The following NT5C3A variants were observed in gnomAD, a reference collection of about 807,000 sequenced individuals.
NT5C3A encodes cytosolic 5'-nucleotidase 3A.
Under a neutral mutation model 40.0 loss-of-function variants are expected in NT5C3A, and 23 were observed. The observed-to-expected ratio is 0.58, with a 90% CI of 0.41 to 0.81. The LOEUF (loss-of-function observed/expected upper bound fraction) is 0.81, where lower values mean the gene tolerates loss of function less well. NT5C3A is among the 40% of genes least tolerant of loss of function. The probability of loss-of-function intolerance (pLI) is 0.00; values close to 1 mark genes in which losing one functional copy is unlikely to be tolerated. For synonymous variants in NT5C3A, 130 were observed against 141.4 expected, an observed-to-expected ratio of 0.92 and a Z score of 0.57; for missense variants, 328 against 403.0, an observed-to-expected ratio of 0.81 and a Z score of 1.59.
chr7:33,062,130 G>A (rs1350630287), intron 1 of NT5C3A, among the ~76,000 whole-genome samples: 1 of 152,138 alleles, frequency 6.6e-6, no homozygotes, highest in Non-Finnish European at 1.5e-5. Flanking sequence ...TCCTCTGCGG[G>A]AATTGCAACT....
rs1188680099 is a variant in NT5C3A at position 33,062,627 on chromosome 7, C to T, written c.79G>A (p.Ala27Thr). 1 of 1,605,860 alleles carries T rather than the reference C, an allele frequency of 6.2e-7. No individual in the cohort carries two copies. The highest frequency in any genetic ancestry group is 8.5e-7 in the Non-Finnish European group (1 of 1,177,058). Reference protein sequence around the residue: ...VCALVAGVVLAQYIFTLKRKT... With the variant: ...VCALVAGVVLTQYIFTLKRKT... ...CTCTTCAAGGTGAATATGTACTGAG[C>T]CAGCACCACCCCCGCCACCAGGGCG... The change falls in exon 1 of 9, where the codon GCT becomes ACT. Residue 27 changes from alanine (A) to threonine (T), a missense_variant. Coordinates refer to ENST00000610140, the MANE Select transcript of NT5C3A (RefSeq NM_001002010.5).
intron 6 of NT5C3A, 90 bp downstream of exon 6, chr7:33,019,545 A>G (rs1435122395): frequency 1.2e-6 from 1 of 810,916 alleles, no homozygotes; most frequent in Non-Finnish European, 2.2e-6. Context: ...GGAATATTCA[A>G]TCTTATTTTT....
At position 33,026,842 on chromosome 7, in the gene NT5C3A, A is replaced by T; in HGVS notation, c.212T>A (p.Ile71Asn). The T allele has an allele frequency of 6.2e-7, 1 of 1,611,888 alleles. No homozygotes were observed. Among genetic ancestry groups the T allele is most frequent in the Non-Finnish European group, 8.5e-7 (1 of 1,179,486 alleles). Residue 71 changes from isoleucine (I) to asparagine (N), a missense_variant, in exon 2 of 9, where the codon ATC (isoleucine) becomes AAC (asparagine). Around this residue, in one of 3 missense-constraint regions of NT5C3A, gnomAD observed 280 missense variants for 317.2 expected, o/e 0.88. Coordinates refer to ENST00000610140, the MANE Select transcript of NT5C3A (RefSeq NM_001002010.5). ...CTGAAGTTTGGCAGCTCCTCCTTTG[A>T]TAAGACCACAGATAATTTCTTCTAC... ...TRVEEIICGL[I>N]KGGAAKLQII...
rs1335557713 is a variant in NT5C3A, at chr7:33,017,449, A to C, written c.683T>G (p.Phe228Cys). Residue 228 changes from phenylalanine (F) to cysteine (C), a missense_variant, in exon 7 of 9, where the codon TTT becomes TGT. This residue lies in a region of NT5C3A where 280 missense variants were observed against 317.2 expected (regional missense o/e 0.88). Transcript: ENST00000610140. ...NVKVVSNFMDFDETGVLKGFK... is the reference protein window; with the variant it reads ...NVKVVSNFMDCDETGVLKGFK... ...ATTTGATATTCTTACAGTTTCATCAAAATCCATAAAATTGGACACAACTTT... is the reference window on the plus strand; with the variant it reads ...ATTTGATATTCTTACAGTTTCATCACAATCCATAAAATTGGACACAACTTT... 8 of 1,609,178 alleles carry C rather than the reference A, an allele frequency of 5.0e-6. No homozygotes were observed. The South Asian group carries it at 8.8e-5, about 18-fold the overall frequency.
At chr7:33,039,097 A>C (rs192240450) in intron 1 of NT5C3A, among the ~76,000 whole-genome samples, 162 of 152,302 alleles carry the variant, frequency 1.1e-3, no homozygotes, top group Admixed American at 2.4e-3. Context: ...CTAAAGACTG[A>C]AGCAAGAGGT....
intron 1 of NT5C3A, chr7:33,038,968 G>A (rs1483460666): frequency 2.3e-6 from 1 of 442,254 alleles, no homozygotes; most frequent in Non-Finnish European, 4.5e-6. Flanking sequence ...AGTCTTCAGA[G>A]TCTTTAAATG....
chr7:33,015,668 A>C lies in NT5C3A; in HGVS notation c.894+2T>G. The C allele has an allele frequency of 1.3e-6, 2 of 1,577,208 alleles. No homozygotes were observed. Among genetic ancestry groups the C allele is most frequent in the Non-Finnish European group, 1.7e-6 (2 of 1,148,140 alleles). On this transcript the variant is annotated splice_donor_variant, in intron 8 of 8. Transcript: ENST00000610140. LOFTEE classifies it high-confidence loss of function. The stretch of plus-strand genomic sequence containing the variant: ...AAAAAAATTACAGATTTGTATACTT[A>C]CTCTATCATTTAGATATCCAATTTT...
chr7:33,023,506 G>A (rs180944116), intron 3 of NT5C3A, among the ~76,000 whole-genome samples: 5 of 152,136 alleles, frequency 3.3e-5, no homozygotes, highest in African/African-American at 9.6e-5. Flanking sequence ...TGATCTGCCC[G>A]CCTCAGCTTC....
intron 1 of NT5C3A, among the ~76,000 whole-genome samples, chr7:33,030,915 C>A (rs1193717578): frequency 2.0e-5 from 3 of 151,444 alleles, no homozygotes; most frequent in Non-Finnish European, 4.4e-5. Context: ...CTGGCTAACA[C>A]GGTGAAACCC....
chr7:33,034,422 T>C (rs1786467812), intron 1 of NT5C3A, among the ~76,000 whole-genome samples: 1 of 152,110 alleles, frequency 6.6e-6, no homozygotes, highest in Non-Finnish European at 1.5e-5. Context: ...ATTCCTATAC[T>C]GCTTGTGTTC....
chr7:33,027,860 G>C (rs533698809), intron 1 of NT5C3A, among the ~76,000 whole-genome samples: 34 of 152,192 alleles, frequency 2.2e-4, no homozygotes, highest in African/African-American at 8.2e-4. Flanking sequence ...TACGCATATA[G>C]TTTTAGCTCA....
intron 1 of NT5C3A, among the ~76,000 whole-genome samples, chr7:33,056,687 A>G (rs1787586385): frequency 6.6e-6 from 1 of 151,968 alleles, no homozygotes. Context: ...AAAATAAAAT[A>G]AAGTCTATTT....
chr7:33,036,280 C>T (rs1233680256), intron 1 of NT5C3A: 3 of 402,032 alleles, frequency 7.5e-6, no homozygotes, highest in South Asian at 2.3e-5. Flanking sequence ...ATATTGAGGC[C>T]GTGTTTCCAG....
In NT5C3A at chr7:33,022,177, A is replaced by C. The variant is rs956713233; in HGVS notation, c.308-78T>G. 155 of 795,356 alleles carry C rather than the reference A, an allele frequency of 1.9e-4. No homozygotes were observed. The African/African-American group carries it at 2.3e-3, about 12-fold the overall frequency. 49.3% of individuals were successfully genotyped at this position (795,356 alleles called of 1,614,324 possible). On this transcript the variant is annotated intron_variant, in intron 3 of 8. Transcript: ENST00000610140. ...CCACTACTATGAATAATTTGCTATAAAGTAATGGCAAAAAACTCAATTACT... is the reference window on the plus strand; with the variant it reads ...CCACTACTATGAATAATTTGCTATACAGTAATGGCAAAAAACTCAATTACT...
At chr7:33,020,439 A>T (rs995342262) in intron 5 of NT5C3A, among the ~76,000 whole-genome samples, 12 of 151,918 alleles carry the variant, frequency 7.9e-5, no homozygotes, top group Admixed American at 7.9e-4. Context: ...TTGCCAGAAA[A>T]CTCTTAATTG....
chr7:33,021,330 C>G lies in NT5C3A; in HGVS notation c.382G>C (p.Ala128Pro), dbSNP rs772942875. ...KLLQLKEKYY[A>P]IEVDPVLTVE... ...GTAAGAACAGGATCAACTTCAATAGCGTAATATTTTTCCTTTAGTTGCAAT... is the reference window on the plus strand; with the variant it reads ...GTAAGAACAGGATCAACTTCAATAGGGTAATATTTTTCCTTTAGTTGCAAT... Residue 128 changes from alanine to proline, a missense_variant, in exon 5 of 9, where the codon GCT becomes CCT. Ala to Pro is a conservative substitution (Grantham distance 27). Coordinates refer to ENST00000610140, the MANE Select transcript of NT5C3A (RefSeq NM_001002010.5). 1 of 1,611,300 alleles carries G rather than the reference C, an allele frequency of 6.2e-7. No individual in the cohort carries two copies. The highest frequency in any genetic ancestry group is 8.5e-7 in the Non-Finnish European group (1 of 1,178,318).
rs1785408164 is a variant in NT5C3A at position 33,017,576 on chromosome 7, T to C, written c.556A>G (p.Lys186Glu). 1 of 1,613,860 alleles carries C rather than the reference T, an allele frequency of 6.2e-7. No homozygotes were observed. Among genetic ancestry groups the C allele is most frequent in the Non-Finnish European group, 8.5e-7 (1 of 1,179,750 alleles). ...LKEGYENFFDKLQQHSIPVFI... is the reference protein window; with the variant it reads ...LKEGYENFFDELQQHSIPVFI... ...ACGGGGATGCTATGTTGTTGGAGCT[T>C]ATCAAAGAAATTCTCATATCCTTCT... The change falls in exon 7 of 9, where the codon AAG (lysine) becomes GAG (glutamate). Residue 186 changes from lysine (K) to glutamate (E), a missense_variant. Physicochemically the swap from Lys to Glu is moderately conservative, Grantham distance 56. Transcript: ENST00000610140.
chr7:33,034,674 C>A (rs1189586540), intron 1 of NT5C3A, among the ~76,000 whole-genome samples: 4 of 152,126 alleles, frequency 2.6e-5, no homozygotes. Context: ...GACTTAATCA[C>A]CATTTTGAGT....
chr7:33,024,436 G>A (rs1224841481), intron 2 of NT5C3A, among the ~76,000 whole-genome samples: 2 of 82,730 alleles, frequency 2.4e-5, no homozygotes, highest in Admixed American at 1.3e-4. Context: ...ATTATCTTAA[G>A]TGAAATAAGA....
Sources: allele counts gnomAD v4.1 joint callset (sites outside exome capture counted in the v4.1 genomes callset), GRCh38; gene constraint gnomAD v4.1.1; regional missense constraint gnomAD v4.1.1; transcripts MANE v1.5; gene names NCBI Gene and HGNC (gene_info 2026-07-23, HGNC 2026-07-21).